Variants in SLC35F3 observed in about 807,000 individuals in gnomAD.
The protein encoded by SLC35F3 is solute carrier family 35 member F3.
Under a neutral mutation model 49.9 loss-of-function variants are expected in SLC35F3, and 25 were observed. That is an observed-to-expected ratio of 0.50 (90% confidence interval 0.37 to 0.70). The LOEUF (loss-of-function observed/expected upper bound fraction) is 0.70, where lower values mean the gene tolerates loss of function less well. Among genes scored for constraint, SLC35F3 ranks in the 30% least tolerant of loss-of-function variants. The pLI, the probability that SLC35F3 is intolerant of heterozygous loss-of-function variation, is 0.00. For missense variants in SLC35F3, 525 were observed against 639.8 expected, an observed-to-expected ratio of 0.82 and a Z score of 1.94; for synonymous variants, 275 against 265.4, an observed-to-expected ratio of 1.04 and a Z score of -0.35.
chr1:234,138,365 G>T (rs944153631), intron 2 of SLC35F3, among the ~76,000 whole-genome samples: 1 of 152,134 alleles, frequency 6.6e-6, no homozygotes, highest in Non-Finnish European at 1.5e-5. Context: ...GCCCATTCTG[G>T]CAGAGGAGGA....
intron 2 of SLC35F3, among the ~76,000 whole-genome samples, chr1:233,979,396 C>T (rs542381692): frequency 6.6e-6 from 1 of 152,318 alleles, no homozygotes; most frequent in African/African-American, 2.4e-5. Context: ...TCGGGCCGAA[C>T]AGTACCCAAG....
intron 2 of SLC35F3, among the ~76,000 whole-genome samples, chr1:234,051,308 A>G (rs1664372814): frequency 6.6e-6 from 1 of 152,000 alleles, no homozygotes; most frequent in South Asian, 2.1e-4. Context: ...GTCCTCTTTT[A>G]TTTCATTGAG....
chr1:233,949,774 T>C (rs1313629765), intron 2 of SLC35F3, among the ~76,000 whole-genome samples: 1 of 151,980 alleles, frequency 6.6e-6, no homozygotes, highest in Non-Finnish European at 1.5e-5. Flanking sequence ...TACCGCTAAA[T>C]TAAATGAGCA....
chr1:234,227,234 C>T (rs1572103809), intron 2 of SLC35F3, among the ~76,000 whole-genome samples: 1 of 152,136 alleles, frequency 6.6e-6, no homozygotes, highest in South Asian at 2.1e-4. Flanking sequence ...TGATCATAAA[C>T]AGAGGGATTG....
intron 2 of SLC35F3, among the ~76,000 whole-genome samples, chr1:233,940,889 A>G (rs960027210): frequency 2.0e-5 from 3 of 152,188 alleles, no homozygotes; most frequent in Admixed American, 6.5e-5. Context: ...ATAAGATACT[A>G]TTACTACAAA....
intron 2 of SLC35F3, among the ~76,000 whole-genome samples, chr1:234,053,673 A>G (rs1390378012): frequency 6.6e-6 from 1 of 152,086 alleles, no homozygotes. Flanking sequence ...TGTGAATTTG[A>G]TCCTGTCATT....
At chr1:234,160,952 CT>C (rs1166492767) in intron 2 of SLC35F3, among the ~76,000 whole-genome samples, 1 of 152,186 alleles carries the variant, frequency 6.6e-6, no homozygotes, top group African/African-American at 2.4e-5. Context: ...CCATAAAATG[CT>C]AAATTAATAG....
At chr1:234,017,755 T>G (rs1459501039) in intron 2 of SLC35F3, among the ~76,000 whole-genome samples, 5 of 148,514 alleles carry the variant, frequency 3.4e-5, no homozygotes, top group Admixed American at 2.7e-4. Context: ...TTAGTATTGG[T>G]GCAAAAGTAA....
chr1:234,283,977 C>T (rs762674657), intron 3 of SLC35F3, among the ~76,000 whole-genome samples: 1 of 152,164 alleles, frequency 6.6e-6, no homozygotes, highest in African/African-American at 2.4e-5. Context: ...GCAATCATAG[C>T]TCATTGCAGC....
intron 2 of SLC35F3, among the ~76,000 whole-genome samples, chr1:233,947,188 G>C (rs1352201871): frequency 6.6e-6 from 1 of 152,086 alleles, no homozygotes; most frequent in Non-Finnish European, 1.5e-5. Flanking sequence ...AAAACCCACT[G>C]GGCTAAAAAG....
intron 2 of SLC35F3, among the ~76,000 whole-genome samples, chr1:234,066,857 C>CACACACACAG (rs1558219788): frequency 2.6e-5 from 4 of 151,012 alleles, no homozygotes; most frequent in African/African-American, 9.8e-5. Flanking sequence ...CACACACACA[C>CACACACACAG]ACACACACAC....
rs77396709 is a variant in SLC35F3 at position 234,243,507 on chromosome 1, G to A, written c.608+11766G>A. Among the ~76,000 whole-genome samples the A allele has an allele frequency of 5.0e-3, 766 of 152,286 alleles. 4 individuals carry two copies. Among genetic ancestry groups the A allele is most frequent in the South Asian group, 0.014 (67 of 4,826 alleles). ...TGTCTCTTGGTAAAGATGTTTTCTC[G>A]CATGTAGCAAGTGGAGGGAATTCAC... is the stretch of plus-strand genomic sequence containing the variant. On this transcript the variant is annotated intron_variant, in intron 3 of 7. Coordinates refer to ENST00000366618, the MANE Select transcript of SLC35F3 (RefSeq NM_173508.4).
intron 2 of SLC35F3, among the ~76,000 whole-genome samples, chr1:234,175,216 G>A (rs1175207889): frequency 2.6e-5 from 4 of 152,184 alleles, no homozygotes; most frequent in Non-Finnish European, 4.4e-5. Flanking sequence ...TCTAATCAAG[G>A]AGGCTCTAGC....
intron 4 of SLC35F3, among the ~76,000 whole-genome samples, chr1:234,315,360 A>G (rs975864222): frequency 6.6e-6 from 1 of 152,206 alleles, no homozygotes; most frequent in Non-Finnish European, 1.5e-5. Context: ...TACTAAGGCA[A>G]CCTCAATTTG....
intron 2 of SLC35F3, among the ~76,000 whole-genome samples, chr1:234,162,112 A>G (rs1042601728): frequency 2.0e-5 from 3 of 152,018 alleles, no homozygotes; most frequent in African/African-American, 7.2e-5. Context: ...GAGAAAACCC[A>G]TAAGTTCTTG....
At chr1:233,909,331 G>A (rs1239547373) in intron 2 of SLC35F3, among the ~76,000 whole-genome samples, 1 of 152,170 alleles carries the variant, frequency 6.6e-6, no homozygotes, top group South Asian at 2.1e-4. Flanking sequence ...AAACCACTTG[G>A]CAGTATTCCT....
At chr1:233,962,605 C>T (rs1048755525) in intron 2 of SLC35F3, among the ~76,000 whole-genome samples, 3 of 152,172 alleles carry the variant, frequency 2.0e-5, no homozygotes, top group African/African-American at 4.8e-5. Flanking sequence ...TCAGTGTGTT[C>T]GTATTTTTAT....
intron 2 of SLC35F3, among the ~76,000 whole-genome samples, chr1:234,124,249 G>T (rs1359066761): frequency 6.6e-6 from 1 of 152,152 alleles, no homozygotes; most frequent in African/African-American, 2.4e-5. Flanking sequence ...TAGGTAACTC[G>T]GTCCTGTTAA....
At chr1:233,915,545 G>GT (rs199851669) in intron 2 of SLC35F3, among the ~76,000 whole-genome samples, 6,800 of 151,230 alleles carry the variant, frequency 0.045, 206 homozygotes, top group South Asian at 0.084. Context: ...GCAAATTCTT[G>GT]TTTTTTTTTA....
Sources: allele counts gnomAD v4.1 joint callset (sites outside exome capture counted in the v4.1 genomes callset), GRCh38; gene constraint gnomAD v4.1.1; transcripts MANE v1.5; gene names NCBI Gene and HGNC (gene_info 2026-07-23, HGNC 2026-07-21).